DNAJC24: variants seen among roughly 807,000 people sequenced by gnomAD.
The protein encoded by DNAJC24 is dnaJ homolog subfamily C member 24.
DNAJC24 carries 17 observed loss-of-function variants against 18.0 expected under a neutral mutation model. The ratio of observed to expected loss-of-function variants is 0.94; its 90% CI spans 0.65 to 1.42. The LOEUF is 1.42. DNAJC24 is among the 40% of genes most tolerant of loss of function. The pLI, the probability that DNAJC24 is intolerant of heterozygous loss-of-function variation, is 0.00. For missense variants in DNAJC24, 158 were observed against 175.6 expected (o/e 0.90, Z 0.57); for synonymous variants, 55 against 57.7 (o/e 0.95, Z 0.21).
chr11:31,425,827 G>A (rs898713498), intron 3 of DNAJC24, among the ~76,000 whole-genome samples: 1 of 152,122 alleles, frequency 6.6e-6, no homozygotes, highest in South Asian at 2.1e-4. Flanking sequence ...TTTTAGAGAT[G>A]AACAAACCAA....
chr11:31,421,827 A>C lies in DNAJC24; in HGVS notation c.251-4460A>C, dbSNP rs187160577. The C allele has an allele frequency of 2.3e-3, 466 of 202,040 alleles. 2 individuals carry two copies. The highest frequency in any genetic ancestry group is 1.0e-2 in the African/African-American group (423 of 42,378). The allele number at this position is 202,040 out of a possible 1,614,324, so 12.5% of individuals were successfully genotyped here. A position where few individuals can be genotyped will look rare whatever the true frequency, so the allele number is the denominator to read the frequency against. On this transcript the variant is annotated intron_variant, in intron 3 of 4. Coordinates refer to ENST00000465995, the MANE Select transcript of DNAJC24 (RefSeq NM_181706.5). ...GATTCCCAAATGGAGCTGAAAAAAA[A>C]CCTTTCCTCTTTTAGAAAGTTGTGA...
At chr11:31,417,286 C>T (rs901016876) in intron 3 of DNAJC24, 5 of 152,084 alleles carry the variant, frequency 3.3e-5, no homozygotes, top group Admixed American at 6.6e-5. Flanking sequence ...TTAAGCCTTT[C>T]ATACCAGAGC....
At chr11:31,424,050 C>G (rs1410553502) in intron 3 of DNAJC24, among the ~76,000 whole-genome samples, 1 of 152,076 alleles carries the variant, frequency 6.6e-6, no homozygotes, top group East Asian at 1.9e-4. Context: ...GTGAGAAGAA[C>G]AATAGCTTCC....
At chr11:31,422,363 C>CTT (rs1199824900) in intron 3 of DNAJC24, among the ~76,000 whole-genome samples, 1 of 152,136 alleles carries the variant, frequency 6.6e-6, no homozygotes, top group Non-Finnish European at 1.5e-5. Context: ...TCATTGGACT[C>CTT]ATTATAAGAG....
intron 2 of DNAJC24, among the ~76,000 whole-genome samples, chr11:31,376,518 G>C (rs116557389): frequency 8.8e-4 from 134 of 152,284 alleles, no homozygotes; most frequent in African/African-American, 3.0e-3. Context: ...GTTTACAAAT[G>C]CTTTCACATC....
chr11:31,401,458 G>A (rs1238784451), intron 2 of DNAJC24, among the ~76,000 whole-genome samples: 3 of 149,360 alleles, frequency 2.0e-5, no homozygotes, highest in Non-Finnish European at 3.0e-5. Flanking sequence ...CCCTTCTCCC[G>A]CTGTCTCCTC....
rs551492344 is a variant in DNAJC24 at position 31,431,937 on chromosome 11, A to G, written c.*1536A>G. On this transcript the variant is annotated 3_prime_UTR_variant, in exon 5 of 5. Coordinates refer to ENST00000465995, the MANE Select transcript of DNAJC24 (RefSeq NM_181706.5). Reference sequence around the variant, plus strand: ...TTATAAAGTATTATTGACTATAGCCAACTACAGATGGCATATGCCTTAAAG... The same window carrying G: ...TTATAAAGTATTATTGACTATAGCCGACTACAGATGGCATATGCCTTAAAG... The G allele has an allele frequency of 6.6e-6, 1 of 152,568 alleles. No homozygotes were observed. The highest frequency in any genetic ancestry group is 2.1e-4 in the South Asian group (1 of 4,832). 9.5% of individuals were successfully genotyped at this position (152,568 alleles called of 1,614,324 possible). A position where few individuals can be genotyped will look rare whatever the true frequency, so the allele number is the denominator to read the frequency against.
intron 2 of DNAJC24, among the ~76,000 whole-genome samples, chr11:31,399,363 C>T (rs1418559925): frequency 1.3e-5 from 2 of 151,330 alleles, no homozygotes; most frequent in African/African-American, 4.9e-5. Flanking sequence ...TAACCTTTTA[C>T]ATTTCTTTAT....
At chr11:31,407,589 G>T (rs1446521782) in intron 2 of DNAJC24, 1 of 150,230 alleles carries the variant, frequency 6.7e-6, no homozygotes, top group Non-Finnish European at 1.5e-5. Flanking sequence ...GGAGGCTGAG[G>T]CGGGAGGATC....
chr11:31,414,255 A>C lies in DNAJC24; in HGVS notation c.112-556A>C, dbSNP rs545330469. The stretch of plus-strand genomic sequence containing the variant: ...GGCCTAGAATAACCAGTTTTTAATA[A>C]AAATGTATGCTTGGGGATTTATAAC... On this transcript the variant is annotated intron_variant, in intron 2 of 4. Transcript: ENST00000465995. Among the ~76,000 whole-genome samples, 278 of 152,330 alleles carry C rather than the reference A, an allele frequency of 1.8e-3. 1 individual carries two copies. The highest frequency in any genetic ancestry group is 6.2e-3 in the African/African-American group (259 of 41,570).
intron 2 of DNAJC24, among the ~76,000 whole-genome samples, chr11:31,391,220 T>C (rs1180823993): frequency 6.6e-6 from 1 of 152,168 alleles, no homozygotes. Context: ...ATAAACGCCA[T>C]ATAGGACAAA....
intron 2 of DNAJC24, among the ~76,000 whole-genome samples, chr11:31,393,173 C>A (rs1952515060): frequency 6.6e-6 from 1 of 152,192 alleles, no homozygotes; most frequent in African/African-American, 2.4e-5. Flanking sequence ...CTTATCCTAC[C>A]TTGCTTCTCT....
chr11:31,386,326 C>G (rs1242678240), intron 2 of DNAJC24, among the ~76,000 whole-genome samples: 1 of 151,654 alleles, frequency 6.6e-6, no homozygotes, highest in African/African-American at 2.4e-5. Flanking sequence ...GCTTACAACT[C>G]TGGGAGAGAT....
At chr11:31,407,391 C>T (rs1173890925) in intron 2 of DNAJC24, 1 of 151,996 alleles carries the variant, frequency 6.6e-6, no homozygotes, top group Non-Finnish European at 1.5e-5. Context: ...TTCATTTCAA[C>T]TTTATATGTT....
chr11:31,408,126 C>T (rs1027530029), intron 2 of DNAJC24: 1 of 455,584 alleles, frequency 2.2e-6, no homozygotes, highest in African/African-American at 2.0e-5. Context: ...GGATTTTTTC[C>T]CCCTCTTTTT....
chr11:31,386,302 C>T (rs1184749918), intron 2 of DNAJC24, among the ~76,000 whole-genome samples: 2 of 151,790 alleles, frequency 1.3e-5, no homozygotes, highest in African/African-American at 2.4e-5. Flanking sequence ...CCTCCCCCAA[C>T]CCTAGGCAAT....
chr11:31,413,480 A>C (rs562628344), intron 2 of DNAJC24, among the ~76,000 whole-genome samples: 4 of 151,668 alleles, frequency 2.6e-5, no homozygotes, highest in Non-Finnish European at 5.9e-5. Context: ...ACAGGCGCCC[A>C]CCACCACACC....
rs748171465 is a variant in DNAJC24, at chr11:31,430,363, A to G, written c.412A>G (p.Thr138Ala). Residue 138 changes from threonine to alanine, a missense_variant, in exon 5 of 5, where the codon ACA becomes GCA. Physicochemically the swap from Thr to Ala is moderately conservative, Grantham distance 58. Coordinates refer to ENST00000465995, the MANE Select transcript of DNAJC24 (RefSeq NM_181706.5). Reference protein sequence around the residue: ...AEEVSLISCDTCSLIIELLHY... With the variant: ...AEEVSLISCDACSLIIELLHY... ...AGAAGTTAGCCTGATTTCTTGTGAT[A>G]CATGTTCACTAATTATAGAACTCCT... 4 of 1,608,764 alleles carry G rather than the reference A, an allele frequency of 2.5e-6. No individual in the cohort carries two copies. Among genetic ancestry groups the G allele is most frequent in the Non-Finnish European group, 3.4e-6 (4 of 1,176,378 alleles).
chr11:31,398,464 G>T (rs1402562164), intron 2 of DNAJC24, among the ~76,000 whole-genome samples: 1 of 152,106 alleles, frequency 6.6e-6, no homozygotes, highest in African/African-American at 2.4e-5. Flanking sequence ...TAAATCAGTT[G>T]AAGTTTTATT....
Sources: allele counts gnomAD v4.1 joint callset (sites outside exome capture counted in the v4.1 genomes callset), GRCh38; gene constraint gnomAD v4.1.1; transcripts MANE v1.5; gene names NCBI Gene and HGNC (gene_info 2026-07-23, HGNC 2026-07-21).